The following ZNF675 variants were observed in gnomAD, a reference collection of about 807,000 sequenced individuals.
ZNF675 encodes TRAF6 inhibitory zinc finger.
ZNF675 carries 36 observed loss-of-function variants against 56.1 expected under a neutral mutation model. That is an observed-to-expected ratio of 0.64 (90% confidence interval 0.49 to 0.85). The LOEUF (loss-of-function observed/expected upper bound fraction) is 0.85, where lower values mean the gene tolerates loss of function less well. Ranked by LOEUF, ZNF675 falls within the 40% of genes least tolerant of loss-of-function variation. ZNF675 has a pLI of 0.00. For missense variants in ZNF675, 663 were observed against 654.2 expected, an observed-to-expected ratio of 1.01 and a Z score of -0.15; for synonymous variants, 200 against 218.9, an observed-to-expected ratio of 0.91 and a Z score of 0.76.
intron 1 of ZNF675, among the ~76,000 whole-genome samples, chr19:23,678,569 T>TTA (rs1568295736): frequency 1.4e-5 from 2 of 142,670 alleles, no homozygotes; most frequent in Admixed American, 1.4e-4. Flanking sequence ...ATTCTTAACT[T>TTA]AAAAAAAAAA....
At chr19:23,662,321 A>C (rs1015483370) in intron 2 of ZNF675, 112 bp from the exon 3 acceptor site, 3 of 702,770 alleles carry the variant, frequency 4.3e-6, no homozygotes, top group Middle Eastern at 2.9e-4. Flanking sequence ...AATTAATCCC[A>C]AAATACTGAC....
rs1063327 is a variant in ZNF675, at chr19:23,653,879, A to G, written c.1054T>C (p.Ser352Pro). Residue 352 changes from serine (S) to proline (P), a missense_variant, in exon 4 of 4, where the codon TCC (serine) becomes CCC (proline). By Grantham distance (74) the Ser-to-Pro change is moderately conservative. Around this residue, in one of 3 missense-constraint regions of ZNF675, gnomAD observed 617 missense variants for 590.5 expected, o/e 1.04. Coordinates refer to ENST00000359788, the MANE Select transcript of ZNF675 (RefSeq NM_138330.3). ...TTTTTATGTTCAGTAAGTTTTGAGGATCGGTTAAAAGCTTTTCCACATTCT... is the reference window on the plus strand; with the variant it reads ...TTTTTATGTTCAGTAAGTTTTGAGGGTCGGTTAAAAGCTTTTCCACATTCT... ...CEECGKAFNRSSKLTEHKNIH... is the reference protein window; with the variant it reads ...CEECGKAFNRPSKLTEHKNIH... The G allele has an allele frequency of 6.2e-7, 1 of 1,613,644 alleles. No homozygotes were observed. The highest frequency in any genetic ancestry group is 1.3e-5 in the African/African-American group (1 of 74,880).
At chr19:23,667,149 T>A (rs1174336958) in intron 1 of ZNF675, among the ~76,000 whole-genome samples, 1 of 152,004 alleles carries the variant, frequency 6.6e-6, no homozygotes, top group African/African-American at 2.4e-5. Context: ...GCTGCAGACC[T>A]TCGCGGTGAG....
At position 23,653,796 on chromosome 19, in the gene ZNF675, T is replaced by C; in HGVS notation, c.1137A>G (p.Arg379=). ...TCCTATGTTCCGTAAGATTTGAGGA[T>C]CGGTTAAAAGCTTTGCCGCATTCCT... ...KCEECGKAFN[R]SSNLTEHRKI... is the part of the protein sequence containing the mutation. Residue 379 remains arginine, a synonymous_variant, in exon 4 of 4, where the codon CGA becomes CGG. Coordinates refer to ENST00000359788, the MANE Select transcript of ZNF675 (RefSeq NM_138330.3). The C allele has an allele frequency of 6.2e-7, 1 of 1,613,832 alleles. No individual in the cohort carries two copies. The highest frequency in any genetic ancestry group is 2.2e-5 in the East Asian group (1 of 44,842).
At chr19:23,668,027 AG>A (rs1474160194) in intron 1 of ZNF675, among the ~76,000 whole-genome samples, 3 of 150,516 alleles carry the variant, frequency 2.0e-5, no homozygotes, top group Non-Finnish European at 4.4e-5. Flanking sequence ...AGCTAGACAC[AG>A]GGTGCTGATT....
intron 3 of ZNF675, 101 bp downstream of exon 3, chr19:23,662,013 A>T (rs908391122): frequency 8.1e-6 from 7 of 869,136 alleles, no homozygotes; most frequent in Admixed American, 2.1e-5. Context: ...ATTTCCTTTA[A>T]AACACGGCTT....
Position 23,653,623 on chromosome 19 carries a change from G to A in ZNF675, c.1310C>T (p.Ser437Leu), listed in dbSNP as rs537443377. ...EECGKAFNRS[S>L]KLTEHKKLHT... Reference sequence around the variant, plus strand: ...AAGTTTCTTATGTTCAGTAAGTTTTGAGGATCGGTTAAAAGCTTTGCCACA... The same window carrying A: ...AAGTTTCTTATGTTCAGTAAGTTTTAAGGATCGGTTAAAAGCTTTGCCACA... The change falls in exon 4 of 4, where the codon TCA (serine) becomes TTA (leucine). Residue 437 changes from serine (S) to leucine (L), a missense_variant. Around this residue, in one of 3 missense-constraint regions of ZNF675, gnomAD observed 617 missense variants for 590.5 expected, o/e 1.04. Transcript: ENST00000359788. 1 of 1,612,912 alleles carries A rather than the reference G, an allele frequency of 6.2e-7. No homozygotes were observed. Among genetic ancestry groups the A allele is most frequent in the Non-Finnish European group, 8.5e-7 (1 of 1,179,498 alleles).
intron 1 of ZNF675, among the ~76,000 whole-genome samples, chr19:23,672,255 CAAG>C (rs55949655): frequency 0.98 from 141,412 of 145,012 alleles, 69,096 homozygotes; most frequent in Middle Eastern, 1. Flanking sequence ...AAAAAAAGGA[CAAG>C]AATACTCTAC....
At chr19:23,686,694 T>C (rs922833204) in intron 1 of ZNF675, among the ~76,000 whole-genome samples, 4 of 152,158 alleles carry the variant, frequency 2.6e-5, no homozygotes, top group African/African-American at 7.2e-5. Context: ...TTCCCATTAA[T>C]GAACCCGCAC....
intron 1 of ZNF675, among the ~76,000 whole-genome samples, chr19:23,669,640 G>C (rs1968203485): frequency 6.6e-6 from 1 of 152,102 alleles, no homozygotes; most frequent in Non-Finnish European, 1.5e-5. Flanking sequence ...TTGAGATGCT[G>C]AGGCGGACAG....
At chr19:23,659,020 T>A (rs911748837) in intron 3 of ZNF675, among the ~76,000 whole-genome samples, 1 of 148,816 alleles carries the variant, frequency 6.7e-6, no homozygotes, top group Non-Finnish European at 1.5e-5. Flanking sequence ...ATGTTAAATA[T>A]ATAAAAATAT....
Position 23,663,078 on chromosome 19 carries a change from T to A in ZNF675, c.84A>T (p.Leu28Phe). The change falls in exon 2 of 4, where the codon TTA (leucine) becomes TTT (phenylalanine). Residue 28 changes from leucine (L) to phenylalanine (F), a missense_variant. Around this residue, in one of 3 missense-constraint regions of ZNF675, gnomAD observed 33 missense variants for 31.8 expected, o/e 1.04. Transcript: ENST00000359788. ...AGTTCTCTAAAATCACATTTTTATA[T>A]AAATTCCGCTGTGCAGTGTCCAGGC... ...WQCLDTAQRN[L>F]YKNVILENYR... 1 of 1,607,862 alleles carries A rather than the reference T, an allele frequency of 6.2e-7. No individual in the cohort carries two copies. Among genetic ancestry groups the A allele is most frequent in the Non-Finnish European group, 8.5e-7 (1 of 1,177,742 alleles).
chr19:23,654,608 C>A lies in ZNF675; in HGVS notation c.325G>T (p.Asp109Tyr). ...TTACAGCCTTTTAACTGAAAATTAT[C>A]ATTTCCACATTTTTCATATCTTCTC... Reference protein sequence around the residue: ...TLRRYEKCGNDNFQLKGCKSV... With the variant: ...TLRRYEKCGNYNFQLKGCKSV... The change falls in exon 4 of 4, where the codon GAT becomes TAT. Residue 109 changes from aspartate (D) to tyrosine (Y), a missense_variant. Around this residue, in one of 3 missense-constraint regions of ZNF675, gnomAD observed 617 missense variants for 590.5 expected, o/e 1.04. Coordinates refer to ENST00000359788, the MANE Select transcript of ZNF675 (RefSeq NM_138330.3). 1.2e-6 allele frequency: 2 copies of A among 1,611,586 alleles called. No individual in the cohort carries two copies. The highest frequency in any genetic ancestry group is 1.7e-6 in the Non-Finnish European group (2 of 1,178,766).
chr19:23,662,797 T>C (rs912885218), intron 2 of ZNF675, among the ~76,000 whole-genome samples: 1 of 151,640 alleles, frequency 6.6e-6, no homozygotes, highest in African/African-American at 2.4e-5. Flanking sequence ...CTGGACAACA[T>C]GGTGAAACCC....
Position 23,653,993 on chromosome 19 carries a change from A to G in ZNF675, c.940T>C (p.Cys314Arg). 2 of 1,613,934 alleles carry G rather than the reference A, an allele frequency of 1.2e-6. No homozygotes were observed. Among genetic ancestry groups the G allele is most frequent in the Non-Finnish European group, 1.7e-6 (2 of 1,179,970 alleles). The change falls in exon 4 of 4, where the codon TGT becomes CGT. Residue 314 changes from cysteine to arginine, a missense_variant. Physicochemically the swap from Cys to Arg is radical, Grantham distance 180. Coordinates refer to ENST00000359788, the MANE Select transcript of ZNF675 (RefSeq NM_138330.3). ...GTAAAAGCCTTGCCACATTCTTCAC[A>G]TATGTAGGGTTGCTCTCCAGTATGA... ...KIHTGEQPYICEECGKAFTQS... is the reference protein window; with the variant it reads ...KIHTGEQPYIREECGKAFTQS...
At chr19:23,665,364 G>C (rs1358678371) in intron 1 of ZNF675, among the ~76,000 whole-genome samples, 1 of 147,574 alleles carries the variant, frequency 6.8e-6, no homozygotes, top group African/African-American at 2.5e-5. Flanking sequence ...ATCAAACCTG[G>C]GCTGAAAACC....
Position 23,654,231 on chromosome 19 carries a change from G to A in ZNF675, c.702C>T (p.Asp234=). 1 of 1,613,888 alleles carries A rather than the reference G, an allele frequency of 6.2e-7. No homozygotes were observed. Among genetic ancestry groups the A allele is most frequent in the Non-Finnish European group, 8.5e-7 (1 of 1,179,940 alleles). The change falls in exon 4 of 4, where the codon GAC becomes GAT. Residue 234 remains aspartate, a synonymous_variant. Transcript: ENST00000359788. ...CEKLYKCQEC[D]RTFNQFSNLT... ...GGTTTGAGAATTGGTTAAAAGTTCT[G>A]TCACATTCTTGACATTTGTAGAGTT...
At chr19:23,684,304 T>TA (rs1968415606) in intron 1 of ZNF675, among the ~76,000 whole-genome samples, 1 of 149,368 alleles carries the variant, frequency 6.7e-6, no homozygotes, top group African/African-American at 2.5e-5. Context: ...ATAAGTGCAC[T>TA]AATCTTTTCA....
At position 23,654,396 on chromosome 19, in the gene ZNF675, T is replaced by A. The variant is rs142395851; in HGVS notation, c.537A>T (p.Arg179Ser). The change falls in exon 4 of 4, where the codon AGA becomes AGT. Residue 179 changes from arginine to serine, a missense_variant. Arg to Ser is a moderately radical substitution (Grantham distance 110). Coordinates refer to ENST00000359788, the MANE Select transcript of ZNF675 (RefSeq NM_138330.3). ...TTAGGTGTGAAAGCATGCAAAATGATCTGCCACATTCTTTACATTTGAAAG... is the reference window on the plus strand; with the variant it reads ...TTAGGTGTGAAAGCATGCAAAATGAACTGCCACATTCTTTACATTTGAAAG... ...NKPFKCKECGRSFCMLSHLTR... is the reference protein window; with the variant it reads ...NKPFKCKECGSSFCMLSHLTR... 4 of 1,611,176 alleles carry A rather than the reference T, an allele frequency of 2.5e-6. No individual in the cohort carries two copies. The African/African-American group carries it at 5.3e-5, about 22-fold the overall frequency.
Sources: gnomAD v4.1 joint callset for allele counts (sites outside exome capture counted in the v4.1 genomes callset) on GRCh38, gnomAD v4.1.1 for gene constraint, gnomAD v4.1.1 regional missense constraint, MANE v1.5 for transcripts, NCBI Gene and HGNC (gene_info 2026-07-23, HGNC 2026-07-21) for gene names.